NALF1: variants seen among roughly 807,000 people sequenced by gnomAD.
NALF1 encodes family with sequence similarity 155 member A.
Under a neutral mutation model 48.4 loss-of-function variants are expected in NALF1, and 3 were observed. That is an observed-to-expected ratio of 0.06 (90% confidence interval 0.03 to 0.16). The LOEUF is 0.16. Among genes scored for constraint, NALF1 ranks in the 10% least tolerant of loss-of-function variants. NALF1 has a pLI of 1.00. For missense variants in NALF1, 526 were observed against 571.5 expected, an observed-to-expected ratio of 0.92 and a Z score of 0.81; for synonymous variants, 262 against 245.7, an observed-to-expected ratio of 1.07 and a Z score of -0.62.
intron 1 of NALF1, among the ~76,000 whole-genome samples, chr13:107,812,353 C>G (rs553799583): frequency 1.3e-4 from 20 of 151,954 alleles, no homozygotes; most frequent in Non-Finnish European, 2.2e-4. Flanking sequence ...CAAAATAATA[C>G]CACTATAATA....
intron 1 of NALF1, among the ~76,000 whole-genome samples, chr13:107,302,397 TAGA>T (rs1298762943): frequency 6.6e-6 from 1 of 152,234 alleles, no homozygotes; most frequent in East Asian, 1.9e-4. Context: ...CCTCAAATCT[TAGA>T]AGGAGTCAAG....
chr13:107,218,064 C>A (rs1879912042), intron 1 of NALF1, among the ~76,000 whole-genome samples: 1 of 152,148 alleles, frequency 6.6e-6, no homozygotes, highest in African/African-American at 2.4e-5. Context: ...CTGCCCACTC[C>A]CACCCGGCAC....
intron 1 of NALF1, among the ~76,000 whole-genome samples, chr13:107,470,726 T>C (rs1292914602): frequency 6.6e-6 from 1 of 152,216 alleles, no homozygotes; most frequent in African/African-American, 2.4e-5. Context: ...TGAAAAAATA[T>C]TAACATAATT....
At chr13:107,421,624 C>T (rs181592767) in intron 1 of NALF1, among the ~76,000 whole-genome samples, 10 of 152,106 alleles carry the variant, frequency 6.6e-5, no homozygotes, top group African/African-American at 2.2e-4. Flanking sequence ...ACCAGAAAGA[C>T]AAACGAGAGG....
At chr13:107,204,352 T>A (rs1879590906) in intron 2 of NALF1, among the ~76,000 whole-genome samples, 2 of 152,246 alleles carry the variant, frequency 1.3e-5, no homozygotes, top group Admixed American at 1.3e-4. Flanking sequence ...GCCTCTGCTG[T>A]CAGCAGGCCT....
At chr13:107,263,929 C>T (rs1308714400) in intron 1 of NALF1, among the ~76,000 whole-genome samples, 2 of 152,194 alleles carry the variant, frequency 1.3e-5, no homozygotes. Flanking sequence ...AGCTACCTCA[C>T]AGCAATAGCT....
intron 1 of NALF1, among the ~76,000 whole-genome samples, chr13:107,535,175 T>C (rs963943853): frequency 6.6e-6 from 1 of 152,222 alleles, no homozygotes; most frequent in African/African-American, 2.4e-5. Context: ...CCTTTATATC[T>C]TTCTCCTCCC....
intron 1 of NALF1, among the ~76,000 whole-genome samples, chr13:107,665,001 A>G (rs1181277929): frequency 1.3e-5 from 2 of 152,118 alleles, no homozygotes; most frequent in African/African-American, 2.4e-5. Context: ...AAAATTTCCA[A>G]CAGACAATAT....
chr13:107,747,328 C>A (rs1237399731), intron 1 of NALF1, among the ~76,000 whole-genome samples: 1 of 152,196 alleles, frequency 6.6e-6, no homozygotes, highest in Non-Finnish European at 1.5e-5. Context: ...CCATCTTGTA[C>A]AACTAACTTC....
rs1878908409 is a variant in NALF1, at chr13:107,809,172, A to G, written c.915+56510T>C. Among the ~76,000 whole-genome samples, 4 of 151,876 alleles carry G rather than the reference A, an allele frequency of 2.6e-5. No homozygotes were observed. The South Asian group carries it at 8.3e-4, about 31-fold the overall frequency. On this transcript the variant is annotated intron_variant, in intron 1 of 2. Coordinates refer to ENST00000375915, the MANE Select transcript of NALF1 (RefSeq NM_001080396.3). ...CATTTCACATTTCTCTTCATTATCT[A>G]GTTTGCAAAGAAACAGAACCCCAAT...
intron 1 of NALF1, among the ~76,000 whole-genome samples, chr13:107,335,796 C>T (rs1159096142): frequency 7.9e-5 from 12 of 152,184 alleles, no homozygotes; most frequent in African/African-American, 9.6e-5. Flanking sequence ...TTCTATCCCA[C>T]GATTCAACTC....
intron 1 of NALF1, among the ~76,000 whole-genome samples, chr13:107,509,734 G>A (rs1470866194): frequency 6.6e-6 from 1 of 152,092 alleles, no homozygotes; most frequent in Admixed American, 6.6e-5. Flanking sequence ...AGATTATAAG[G>A]CTTTCAAATA....
intron 2 of NALF1, among the ~76,000 whole-genome samples, chr13:107,192,608 T>G (rs933428265): frequency 1.3e-5 from 2 of 152,068 alleles, no homozygotes; most frequent in African/African-American, 4.8e-5. Context: ...CTACTCTAAT[T>G]TATTTAACTA....
At chr13:107,826,944 C>T (rs1413400286) in intron 1 of NALF1, among the ~76,000 whole-genome samples, 1 of 152,092 alleles carries the variant, frequency 6.6e-6, no homozygotes, top group African/African-American at 2.4e-5. Context: ...AAAAGCAAGT[C>T]CTTATACAAG....
intron 1 of NALF1, among the ~76,000 whole-genome samples, chr13:107,503,880 C>CAAAATA (rs1875607474): frequency 1.3e-5 from 2 of 149,860 alleles, no homozygotes; most frequent in East Asian, 4.0e-4. Context: ...GTGAAAAAAG[C>CAAAATA]CAGACATAGA....
At chr13:107,599,913 G>A (rs1012991758) in intron 1 of NALF1, among the ~76,000 whole-genome samples, 5 of 151,994 alleles carry the variant, frequency 3.3e-5, no homozygotes, top group Admixed American at 6.6e-5. Flanking sequence ...TGTGTACAAC[G>A]AGTCATATTT....
intron 1 of NALF1, among the ~76,000 whole-genome samples, chr13:107,320,420 A>T (rs1882232106): frequency 6.6e-6 from 1 of 152,120 alleles, no homozygotes; most frequent in Non-Finnish European, 1.5e-5. Flanking sequence ...TGAAACCCTC[A>T]ACTTCAAACG....
At chr13:107,778,628 T>C (rs1452186830) in intron 1 of NALF1, among the ~76,000 whole-genome samples, 2 of 151,990 alleles carry the variant, frequency 1.3e-5, no homozygotes, top group Non-Finnish European at 2.9e-5. Flanking sequence ...TGTATTTGTT[T>C]GTTTGAGTAA....
At chr13:107,690,644 A>G (rs1049276649) in intron 1 of NALF1, among the ~76,000 whole-genome samples, 4 of 152,334 alleles carry the variant, frequency 2.6e-5, no homozygotes, top group Admixed American at 2.6e-4. Flanking sequence ...AAATAAAAAT[A>G]TCTTTTAGAC....
Sources: allele counts gnomAD v4.1 joint callset (sites outside exome capture counted in the v4.1 genomes callset), GRCh38; gene constraint gnomAD v4.1.1; transcripts MANE v1.5; gene names NCBI Gene and HGNC (gene_info 2026-07-23, HGNC 2026-07-21).